ADAM22: variants seen among roughly 807,000 people sequenced by gnomAD.
ADAM22 encodes disintegrin and metalloproteinase domain-containing protein 22.
ADAM22 carries 65 observed loss-of-function variants against 144.6 expected under a neutral mutation model. The ratio of observed to expected loss-of-function variants is 0.45; its 90% CI spans 0.37 to 0.55. The LOEUF (loss-of-function observed/expected upper bound fraction) is 0.55, where lower values mean the gene tolerates loss of function less well. ADAM22 is among the 20% of genes least tolerant of loss of function. The pLI is 0.00. For missense variants in ADAM22, 974 were observed against 1,184.9 expected (o/e 0.82, Z 2.61); for synonymous variants, 391 against 412.6 (o/e 0.95, Z 0.63).
In ADAM22 at chr7:88,198,082, C is replaced by A; in HGVS notation, c.*1591C>A. 1 of 152,188 alleles carries A rather than the reference C, an allele frequency of 6.6e-6. No homozygotes were observed. Among genetic ancestry groups the A allele is most frequent in the East Asian group, 1.9e-4 (1 of 5,194 alleles). 9.4% of individuals were successfully genotyped at this position (152,188 alleles called of 1,614,324 possible). On this transcript the variant is annotated 3_prime_UTR_variant, in exon 32 of 32. Coordinates refer to ENST00000413139, the MANE Select transcript of ADAM22 (RefSeq NM_001324418.2). ...ACATGGTCTGCTCTGAAGTATACTTCTGATTTCCTCATTTGCTGTGTGTTC... is the reference window on the plus strand; with the variant it reads ...ACATGGTCTGCTCTGAAGTATACTTATGATTTCCTCATTTGCTGTGTGTTC...
chr7:88,065,540 G>A (rs1811012092), intron 3 of ADAM22, among the ~76,000 whole-genome samples: 1 of 151,970 alleles, frequency 6.6e-6, no homozygotes, highest in Non-Finnish European at 1.5e-5. Context: ...CTAGAGATAA[G>A]CACTGCTAGC....
In ADAM22 at chr7:88,114,647, A is replaced by C; in HGVS notation, c.537A>C (p.Gln179His). The C allele has an allele frequency of 6.2e-7, 1 of 1,613,838 alleles. No individual in the cohort carries two copies. The highest frequency in any genetic ancestry group is 8.5e-7 in the Non-Finnish European group (1 of 1,179,818). ...AGCCAGAAGAAAATGACACTACTCA[A>C]GTAAGTGCTCCTTCTGTTTGTTGTG... ...LIEPEENDTT[Q>H]EDFHFHSVYK... The change falls in exon 6 of 32, where the codon CAA becomes CAC. Residue 179 changes from glutamine to histidine, a missense_variant and splice_region_variant. This residue lies in a region of ADAM22 where 240 missense variants were observed against 234.3 expected (regional missense o/e 1.02). Coordinates refer to ENST00000413139, the MANE Select transcript of ADAM22 (RefSeq NM_001324418.2).
intron 4 of ADAM22, among the ~76,000 whole-genome samples, chr7:88,088,307 G>A (rs1818940379): frequency 6.6e-6 from 1 of 152,112 alleles, no homozygotes; most frequent in Non-Finnish European, 1.5e-5. Flanking sequence ...TTCCCTCCCT[G>A]GGGTGGGAGC....
chr7:88,050,484 CAAAAAAAAA>C (rs111631002), intron 3 of ADAM22, among the ~76,000 whole-genome samples: 1 of 117,312 alleles, frequency 8.5e-6, no homozygotes, highest in Non-Finnish European at 1.8e-5. Context: ...CAGGATAACT[CAAAAAAAAA>C]AAAAAAAAGA....
chr7:88,055,745 C>T (rs774647052), intron 3 of ADAM22, among the ~76,000 whole-genome samples: 12 of 152,152 alleles, frequency 7.9e-5, no homozygotes, highest in African/African-American at 2.7e-4. Flanking sequence ...TCCAGTCACT[C>T]GAGGGAGAGG....
chr7:88,128,702 C>G (rs1388676687), intron 9 of ADAM22, 26 bp downstream of exon 9: 2 of 1,590,590 alleles, frequency 1.3e-6, no homozygotes, highest in South Asian at 2.2e-5. Flanking sequence ...GTTTTTAAGC[C>G]TGTTTGTGCC....
intron 17 of ADAM22, among the ~76,000 whole-genome samples, 153 bp from the exon 18 acceptor site, chr7:88,148,824 T>C (rs1837381933): frequency 6.6e-6 from 1 of 152,174 alleles, no homozygotes; most frequent in Non-Finnish European, 1.5e-5. Flanking sequence ...TAAAATAAAA[T>C]TTTTTTCAGT....
intron 3 of ADAM22, among the ~76,000 whole-genome samples, chr7:87,998,638 G>C (rs1791811777): frequency 6.6e-6 from 1 of 152,050 alleles, no homozygotes; most frequent in Non-Finnish European, 1.5e-5. Flanking sequence ...ATCTGCCCAC[G>C]TTGGCCTCCC....
intron 2 of ADAM22, among the ~76,000 whole-genome samples, chr7:87,955,788 A>T (rs1846536659): frequency 6.6e-6 from 1 of 152,146 alleles, no homozygotes; most frequent in Non-Finnish European, 1.5e-5. Context: ...ACCCAGTTCG[A>T]GCTTCCTGGC....
In ADAM22 at chr7:87,984,613, G is replaced by A. The variant is rs78491146; in HGVS notation, c.323+6201G>A. 7.2e-4 allele frequency among the ~76,000 whole-genome samples: 110 copies of A among 152,154 alleles called. 1 individual carries two copies. The East Asian group carries it at 0.016, about 22-fold the overall frequency. On this transcript the variant is annotated intron_variant, in intron 3 of 31. Transcript: ENST00000413139. ...TCTCAGAAAACTCTAAAATTTCCCC[G>A]TTCCTATTCTTAAATCCTCTTTCCG...
intron 2 of ADAM22, among the ~76,000 whole-genome samples, chr7:87,973,149 C>T (rs990839426): frequency 1.3e-5 from 2 of 152,136 alleles, no homozygotes; most frequent in African/African-American, 4.8e-5. Context: ...TCAGAGTGAA[C>T]AAGAAACCTA....
chr7:88,031,165 T>G (rs942702772), intron 3 of ADAM22, among the ~76,000 whole-genome samples: 1 of 152,100 alleles, frequency 6.6e-6, no homozygotes, highest in African/African-American at 2.4e-5. Flanking sequence ...TCTGTATAAA[T>G]TACCTAGTCT....
At chr7:87,982,670 C>CATATATATATAT (rs3086405) in intron 3 of ADAM22, among the ~76,000 whole-genome samples, 977 of 38,020 alleles carry the variant, frequency 0.026, 43 homozygotes, top group East Asian at 0.046. Flanking sequence ...TCAGTTATTA[C>CATATATATATAT]ATATATATAT....
rs537922847 is a variant in ADAM22, at chr7:88,037,606, A to T, written c.324-38020A>T. On this transcript the variant is annotated intron_variant, in intron 3 of 31. Coordinates refer to ENST00000413139, the MANE Select transcript of ADAM22 (RefSeq NM_001324418.2). ...TGATGTGTTTTATTTTTTTATTTTT[A>T]TTTTTATTTTTTTTTGCCTATGGAT... 4.1e-4 allele frequency among the ~76,000 whole-genome samples: 62 copies of T among 151,212 alleles called. 2 individuals carry two copies. In the South Asian group the frequency reaches 7.3e-3, roughly 18 times the overall value.
intron 3 of ADAM22, among the ~76,000 whole-genome samples, chr7:87,982,068 T>TAC (rs1175758724): frequency 0.14 from 13,224 of 93,198 alleles, 1,050 homozygotes; most frequent in East Asian, 0.23. Context: ...TATATATATA[T>TAC]ACACACACAC....
In ADAM22 at chr7:87,962,241, G is replaced by A. The variant is rs533369680; in HGVS notation, c.247-16095G>A. Among the ~76,000 whole-genome samples, 3 of 152,370 alleles carry A rather than the reference G, an allele frequency of 2.0e-5. No homozygotes were observed. The East Asian group carries it at 5.8e-4, about 29-fold the overall frequency. ...TATGTGAAAGCAACCTTTATTATGTGAGTCCTGACAACTACTTTTCACTTT... is the reference window on the plus strand; with the variant it reads ...TATGTGAAAGCAACCTTTATTATGTAAGTCCTGACAACTACTTTTCACTTT... On this transcript the variant is annotated intron_variant, in intron 2 of 31. Transcript: ENST00000413139.
At chr7:88,113,703 A>AATGTATATATAT (rs1554478727) in intron 5 of ADAM22, among the ~76,000 whole-genome samples, 3 of 48,106 alleles carry the variant, frequency 6.2e-5, no homozygotes, top group South Asian at 1.2e-3. Context: ...TAAATAAATA[A>AATGTATATATAT]ATATATATAT....
intron 3 of ADAM22, among the ~76,000 whole-genome samples, chr7:87,993,030 TAGG>T (rs1790270277): frequency 6.6e-6 from 1 of 152,176 alleles, no homozygotes; most frequent in Non-Finnish European, 1.5e-5. Flanking sequence ...CCGTATCATA[TAGG>T]AGAAGAGAGG....
intron 7 of ADAM22, among the ~76,000 whole-genome samples, chr7:88,119,579 C>G (rs770404638): frequency 6.6e-6 from 1 of 152,104 alleles, no homozygotes; most frequent in South Asian, 2.1e-4. Flanking sequence ...GCCTCTGCCC[C>G]CTGGGTTCAA....
Sources: gnomAD v4.1 joint callset for allele counts (sites outside exome capture counted in the v4.1 genomes callset) on GRCh38, gnomAD v4.1.1 for gene constraint, gnomAD v4.1.1 regional missense constraint, MANE v1.5 for transcripts, NCBI Gene and HGNC (gene_info 2026-07-23, HGNC 2026-07-21) for gene names.